The following SYNE1 variants were observed in gnomAD, a reference collection of about 807,000 sequenced individuals.
SYNE1 encodes the protein spectrin repeat containing nuclear envelope protein 1, also known as nesprin-1.
A neutral mutation model predicts 1,111.0 loss-of-function variants in SYNE1; 616 were observed. The observed-to-expected ratio is 0.55, with a 90% CI of 0.52 to 0.59. SYNE1 has a LOEUF of 0.59. SYNE1 is among the 20% of genes least tolerant of loss of function. SYNE1 has a pLI of 0.00. For missense variants in SYNE1, 10,006 were observed against 10,417.0 expected, an observed-to-expected ratio of 0.96 and a Z score of 1.72; for synonymous variants, 3,855 against 3,825.8, an observed-to-expected ratio of 1.01 and a Z score of -0.28.
At position 152,155,896 on chromosome 6, in the gene SYNE1, G is replaced by A; in HGVS notation, c.23978+14C>T. The A allele has an allele frequency of 6.2e-7, 1 of 1,613,546 alleles. No homozygotes were observed. The highest frequency in any genetic ancestry group is 1.1e-5 in the South Asian group (1 of 91,046). ...TCTTTCCTCTTCCCTATCTGTTTCA[G>A]CATCCCAGCTCACTTCAGCCTCCTT... On this transcript the variant is annotated intron_variant, in intron 132 of 145. Transcript: ENST00000367255.
At chr6:152,417,568 A>T (rs1191461035) in intron 40 of SYNE1, among the ~76,000 whole-genome samples, 1 of 152,206 alleles carries the variant, frequency 6.6e-6, no homozygotes, top group Non-Finnish European at 1.5e-5. Flanking sequence ...TGTGAAAAAA[A>T]TTTCTTTGTG....
At chr6:152,361,992 T>C (rs2096940019) in intron 64 of SYNE1, among the ~76,000 whole-genome samples, 178 bp downstream of exon 64, 1 of 152,186 alleles carries the variant, frequency 6.6e-6, no homozygotes, top group Non-Finnish European at 1.5e-5. Context: ...CACTCACTAA[T>C]AAAGTAATCA....
chr6:152,254,944 T>C lies in SYNE1; in HGVS notation c.19406A>G (p.Asp6469Gly). 1 of 1,614,024 alleles carries C rather than the reference T, an allele frequency of 6.2e-7. No individual in the cohort carries two copies. Among genetic ancestry groups the C allele is most frequent in the Non-Finnish European group, 8.5e-7 (1 of 1,179,956 alleles). Residue 6469 changes from aspartate to glycine, a missense_variant, in exon 104 of 146, where the codon GAC becomes GGC. By Grantham distance (94) the Asp-to-Gly change is moderately conservative (BLOSUM62 -1). Coordinates refer to ENST00000367255, the MANE Select transcript of SYNE1 (RefSeq NM_182961.4). ...ATGACATCGTTGATTCACTACTGAG[T>C]CTAGCAAGGATAACCTGCCCAAAAG... is the stretch of plus-strand genomic sequence containing the variant. The part of the protein sequence containing the change: ...GCLLGRLSLL[D>G]SVVNQRCHQM...
intron 88 of SYNE1, 31 bp from the exon 89 acceptor site, chr6:152,310,549 G>T: frequency 6.2e-7 from 1 of 1,613,558 alleles, no homozygotes; most frequent in South Asian, 1.1e-5. Flanking sequence ...TATTGTACTT[G>T]AAGTTCAAAG....
intron 17 of SYNE1, among the ~76,000 whole-genome samples, chr6:152,465,713 T>C (rs369367200): frequency 8.4e-4 from 127 of 151,896 alleles, no homozygotes; most frequent in African/African-American, 2.9e-3. Flanking sequence ...CTTTAATCCT[T>C]AGATGCAATT....
chr6:152,521,536 C>CT (rs2099139630), intron 5 of SYNE1, among the ~76,000 whole-genome samples: 1 of 152,142 alleles, frequency 6.6e-6, no homozygotes, highest in South Asian at 2.1e-4. Flanking sequence ...CTTAAACATA[C>CT]TTTTTTCAAT....
chr6:152,420,241 T>C (rs2098235254), intron 39 of SYNE1, among the ~76,000 whole-genome samples: 1 of 152,212 alleles, frequency 6.6e-6, no homozygotes, highest in Non-Finnish European at 1.5e-5. Context: ...GCTTTTTCTT[T>C]AAGGAAATTC....
At chr6:152,275,152 C>T (rs1408186832) in intron 98 of SYNE1, among the ~76,000 whole-genome samples, 5 of 152,152 alleles carry the variant, frequency 3.3e-5, no homozygotes, top group Non-Finnish European at 5.9e-5. Context: ...AGCAATTCTC[C>T]CTTCTTAGCC....
chr6:152,339,220 T>A, intron 75 of SYNE1, 21 bp downstream of exon 75: 1 of 1,612,338 alleles, frequency 6.2e-7, no homozygotes, highest in Non-Finnish European at 8.5e-7. Context: ...ACAAATTCAA[T>A]GTGATTTTTC....
intron 34 of SYNE1, among the ~76,000 whole-genome samples, chr6:152,432,729 T>C (rs928352462): frequency 6.6e-6 from 1 of 152,186 alleles, no homozygotes; most frequent in South Asian, 2.1e-4. Flanking sequence ...ACTATTTAAA[T>C]GTGCTATTCT....
intron 4 of SYNE1, among the ~76,000 whole-genome samples, chr6:152,537,207 C>T (rs1415091296): frequency 1.3e-5 from 2 of 151,968 alleles, no homozygotes; most frequent in Non-Finnish European, 2.9e-5. Flanking sequence ...AACAACAACC[C>T]GCCAATTGTT....
chr6:152,364,778 T>A (rs1267860699), intron 63 of SYNE1, 69 bp downstream of exon 63: 3 of 1,597,078 alleles, frequency 1.9e-6, no homozygotes, highest in Non-Finnish European at 2.6e-6. Flanking sequence ...ACAGGAATGG[T>A]CTGTTCAGTA....
intron 121 of SYNE1, among the ~76,000 whole-genome samples, chr6:152,215,507 CAT>C (rs1310581306): frequency 6.6e-6 from 1 of 152,052 alleles, no homozygotes; most frequent in Non-Finnish European, 1.5e-5. Context: ...TTTATTTACT[CAT>C]AGGCAATTCT....
At chr6:152,500,444 T>G (rs989484993) in intron 10 of SYNE1, among the ~76,000 whole-genome samples, 2 of 151,940 alleles carry the variant, frequency 1.3e-5, no homozygotes, top group Admixed American at 6.6e-5. Context: ...ACAAAAGAGG[T>G]TCCCTGAACT....
chr6:152,589,297 A>G (rs2099550716), intron 3 of SYNE1, among the ~76,000 whole-genome samples: 1 of 152,186 alleles, frequency 6.6e-6, no homozygotes. Flanking sequence ...ATATACTATT[A>G]TTAGTTTTGA....
chr6:152,429,499 C>A (rs1251407344), intron 36 of SYNE1, among the ~76,000 whole-genome samples: 3 of 152,154 alleles, frequency 2.0e-5, no homozygotes, highest in Non-Finnish European at 4.4e-5. Context: ...GGCTTGTTTT[C>A]TATTACATAC....
At chr6:152,225,949 TTA>T (rs1299468670) in intron 115 of SYNE1, 73 bp from the exon 116 acceptor site, 24 of 1,491,858 alleles carry the variant, frequency 1.6e-5, no homozygotes, top group Non-Finnish European at 1.8e-5. Context: ...AATTGGGCCA[TTA>T]TAGTTTCATG....
chr6:152,579,601 C>T (rs1292438168), intron 3 of SYNE1, among the ~76,000 whole-genome samples: 2 of 152,160 alleles, frequency 1.3e-5, no homozygotes, highest in Non-Finnish European at 2.9e-5. Flanking sequence ...GTTTACTATA[C>T]AGATTATTTT....
chr6:152,350,116 A>G, intron 72 of SYNE1, 52 bp downstream of exon 72: 1 of 1,609,076 alleles, frequency 6.2e-7, no homozygotes, highest in South Asian at 1.1e-5. Flanking sequence ...ACACATGCGT[A>G]CACACACTGG....
Sources: allele counts gnomAD v4.1 joint callset (sites outside exome capture counted in the v4.1 genomes callset), GRCh38; gene constraint gnomAD v4.1.1; transcripts MANE v1.5; gene names NCBI Gene and HGNC (gene_info 2026-07-23, HGNC 2026-07-21).